The following ANK2 variants were observed in gnomAD, a reference collection of about 807,000 sequenced individuals.
ANK2 encodes ankyrin 2.
Under a neutral mutation model 360.5 loss-of-function variants are expected in ANK2, and 83 were observed. The observed-to-expected ratio is 0.23, with a 90% CI of 0.19 to 0.28. The LOEUF (loss-of-function observed/expected upper bound fraction) is 0.28, where lower values mean the gene tolerates loss of function less well. ANK2 is among the 10% of genes least tolerant of loss of function. The pLI is 1.00. For missense variants in ANK2, 4,201 were observed against 4,795.7 expected (o/e 0.88, Z 3.66); for synonymous variants, 1,740 against 1,759.5 (o/e 0.99, Z 0.28).
intron 1 of ANK2, among the ~76,000 whole-genome samples, chr4:113,085,396 C>T (rs1475898618): frequency 2.6e-5 from 4 of 152,062 alleles, no homozygotes; most frequent in African/African-American, 9.7e-5. Context: ...TCACTGCAAC[C>T]TCCACCTCCC....
intron 1 of ANK2, among the ~76,000 whole-genome samples, chr4:112,894,300 T>G (rs1352951348): frequency 1.3e-5 from 2 of 152,194 alleles, no homozygotes; most frequent in Non-Finnish European, 2.9e-5. Flanking sequence ...GAAGGAGAGC[T>G]CCATTCATTT....
chr4:112,752,533 G>GA, the ANK2 span, among the ~76,000 whole-genome samples: 1 of 148,572 alleles, frequency 6.7e-6, no homozygotes, highest in Non-Finnish European at 1.5e-5. Context: ...ATGCCACCAG[G>GA]CCTGGCTAAT....
intron 2 of ANK2, among the ~76,000 whole-genome samples, chr4:112,972,531 G>A (rs1186055175): frequency 2.0e-5 from 3 of 152,160 alleles, no homozygotes; most frequent in Non-Finnish European, 4.4e-5. Flanking sequence ...AGTTGTCAGT[G>A]TACAGGTGTT....
At chr4:113,366,580 A>G (rs955238064) in intron 41 of ANK2, among the ~76,000 whole-genome samples, 1 of 151,092 alleles carries the variant, frequency 6.6e-6, no homozygotes, top group African/African-American at 2.4e-5. Flanking sequence ...TTTCTGGAGC[A>G]CCCTCTGCAT....
chr4:113,315,376 T>C (rs1331904220), intron 24 of ANK2, among the ~76,000 whole-genome samples: 1 of 152,200 alleles, frequency 6.6e-6, no homozygotes, highest in Non-Finnish European at 1.5e-5. Flanking sequence ...ACCTTTGCAA[T>C]CTGGCAGCCA....
Position 113,355,627 on chromosome 4 carries a change from A to C in ANK2, c.7009A>C (p.Lys2337Gln), listed in dbSNP as rs745622906. The change falls in exon 38 of 46, where the codon AAA (lysine) becomes CAA (glutamine). Residue 2337 changes from lysine to glutamine, a missense_variant. By Grantham distance (53) the Lys-to-Gln change is moderately conservative (BLOSUM62 1). Coordinates refer to ENST00000357077, the MANE Select transcript of ANK2 (RefSeq NM_001148.6). ...CTGSCSVALA[K>Q]ETPTGLTEEA... ...AGGCAGCTGTAGTGTAGCATTAGCTAAAGAGACACCTACAGGACTGACTGA... is the reference window on the plus strand; with the variant it reads ...AGGCAGCTGTAGTGTAGCATTAGCTCAAGAGACACCTACAGGACTGACTGA... The C allele has an allele frequency of 1.2e-6, 2 of 1,614,090 alleles. No individual in the cohort carries two copies. The highest frequency in any genetic ancestry group is 8.5e-7 in the Non-Finnish European group (1 of 1,179,974).
intron 1 of ANK2, among the ~76,000 whole-genome samples, chr4:112,898,082 C>T (rs984376757): frequency 4.6e-5 from 7 of 152,044 alleles, no homozygotes; most frequent in South Asian, 4.2e-4. Context: ...GAACATTGTA[C>T]GTTTATAGAA....
At chr4:112,922,058 A>G (rs1432546407) in intron 2 of ANK2, among the ~76,000 whole-genome samples, 2 of 152,182 alleles carry the variant, frequency 1.3e-5, no homozygotes, top group Non-Finnish European at 2.9e-5. Context: ...TTTTGATTCA[A>G]ATATTGTAAT....
intron 2 of ANK2, among the ~76,000 whole-genome samples, chr4:112,962,533 G>T (rs1466742559): frequency 6.6e-6 from 1 of 152,144 alleles, no homozygotes; most frequent in East Asian, 1.9e-4. Flanking sequence ...TTGGTATACT[G>T]ATCTATTTTC....
chr4:113,380,989 G>C (rs1477350165), intron 45 of ANK2, among the ~76,000 whole-genome samples: 1 of 152,136 alleles, frequency 6.6e-6, no homozygotes, highest in Non-Finnish European at 1.5e-5. Context: ...TGGGAAGTTT[G>C]GGTCAGGGTA....
At position 113,302,997 on chromosome 4, in the gene ANK2, G is replaced by T. The variant is rs558979512; in HGVS notation, c.2548+158G>T. Among the ~76,000 whole-genome samples, 62 of 152,212 alleles carry T rather than the reference G, an allele frequency of 4.1e-4. 1 individual carries two copies. In the South Asian group the frequency reaches 0.012, roughly 28 times the overall value. On this transcript the variant is annotated intron_variant, in intron 23 of 45. Coordinates refer to ENST00000357077, the MANE Select transcript of ANK2 (RefSeq NM_001148.6). Reference sequence around the variant, plus strand: ...GTTTCAATACATTTACTTTTGCCATGGCAGCGGGGGCCGGGGGCAGTTCTG... The same window carrying T: ...GTTTCAATACATTTACTTTTGCCATTGCAGCGGGGGCCGGGGGCAGTTCTG...
At chr4:113,062,210 T>C (rs1438111698) in intron 1 of ANK2, among the ~76,000 whole-genome samples, 2 of 152,110 alleles carry the variant, frequency 1.3e-5, no homozygotes, top group African/African-American at 4.8e-5. Flanking sequence ...AGGGTAGATT[T>C]TTAACTCTCT....
At chr4:113,182,480 T>C (rs2098437837) in intron 2 of ANK2, among the ~76,000 whole-genome samples, 1 of 152,106 alleles carries the variant, frequency 6.6e-6, no homozygotes, top group South Asian at 2.1e-4. Flanking sequence ...AAAAATAGAA[T>C]AGGTTCAGGG....
At chr4:113,094,528 G>T (rs1367712673) in intron 1 of ANK2, among the ~76,000 whole-genome samples, 2 of 152,070 alleles carry the variant, frequency 1.3e-5, no homozygotes, top group Non-Finnish European at 2.9e-5. Flanking sequence ...GTGTGTGTGT[G>T]TGTGTGTGTG....
intron 2 of ANK2, among the ~76,000 whole-genome samples, chr4:113,037,849 T>C (rs1316441855): frequency 6.6e-6 from 1 of 152,048 alleles, no homozygotes; most frequent in Non-Finnish European, 1.5e-5. Flanking sequence ...CCAGCACAAA[T>C]GATATCCAAT....
At chr4:113,009,018 AC>A (rs2053859530) in intron 2 of ANK2, among the ~76,000 whole-genome samples, 1 of 152,214 alleles carries the variant, frequency 6.6e-6, no homozygotes, top group African/African-American at 2.4e-5. Flanking sequence ...GTTTTAAGTT[AC>A]AGTACAACAC....
At chr4:113,313,884 G>A (rs1405924549) in intron 24 of ANK2, among the ~76,000 whole-genome samples, 1 of 152,100 alleles carries the variant, frequency 6.6e-6, no homozygotes, top group Admixed American at 6.6e-5. Context: ...GTATTGAACT[G>A]AATAACTAGC....
intron 13 of ANK2, 107 bp downstream of exon 13, chr4:113,258,518 C>A: frequency 8.9e-7 from 1 of 1,117,446 alleles, no homozygotes; most frequent in Non-Finnish European, 1.4e-6. Context: ...AGTAAGCAAC[C>A]AAGCTTTGAG....
chr4:112,813,511 C>T (rs986318487), upstream of ANK2, among the ~76,000 whole-genome samples: 1 of 151,408 alleles, frequency 6.6e-6, no homozygotes. Flanking sequence ...TACTATTTTT[C>T]CTTTACCAAA....
Sources: allele counts gnomAD v4.1 joint callset (sites outside exome capture counted in the v4.1 genomes callset), GRCh38; gene constraint gnomAD v4.1.1; transcripts MANE v1.5; gene names NCBI Gene and HGNC (gene_info 2026-07-23, HGNC 2026-07-21).